Variants in STK32B observed in about 807,000 individuals in gnomAD.
STK32B encodes the protein serine/threonine-protein kinase 32B.
In STK32B, 43 loss-of-function variants were observed where a neutral mutation model predicts 52.6. The ratio of observed to expected loss-of-function variants is 0.82; its 90% CI spans 0.64 to 1.05. The LOEUF (loss-of-function observed/expected upper bound fraction) is 1.05, where lower values mean the gene tolerates loss of function less well. Ranked by LOEUF, STK32B falls within the 50% of genes least tolerant of loss-of-function variation. The pLI is 0.00. For synonymous variants in STK32B, 238 were observed against 204.3 expected, an observed-to-expected ratio of 1.17 and a Z score of -1.41; for missense variants, 621 against 534.6, an observed-to-expected ratio of 1.16 and a Z score of -1.59.
chr4:5,182,480 G>A (rs1217958699), intron 3 of STK32B, among the ~76,000 whole-genome samples: 1 of 147,198 alleles, frequency 6.8e-6, no homozygotes, highest in East Asian at 2.0e-4. Flanking sequence ...TTTGTTTTTT[G>A]AGACAGAGTC....
At chr4:5,128,256 G>A (rs1205719960) in intron 1 of STK32B, among the ~76,000 whole-genome samples, 1 of 152,196 alleles carries the variant, frequency 6.6e-6, no homozygotes, top group African/African-American at 2.4e-5. Flanking sequence ...TGTAATTGGT[G>A]GTAGCTTGTT....
intron 3 of STK32B, among the ~76,000 whole-genome samples, chr4:5,225,758 C>T (rs941105414): frequency 6.6e-6 from 1 of 152,178 alleles, no homozygotes; most frequent in East Asian, 1.9e-4. Context: ...AACAAGAGCA[C>T]CTCTAACCAA....
chr4:5,104,248 G>T (rs1041343368), intron 1 of STK32B, among the ~76,000 whole-genome samples: 1 of 152,074 alleles, frequency 6.6e-6, no homozygotes, highest in Non-Finnish European at 1.5e-5. Flanking sequence ...AGATCTGATG[G>T]TTTTATGAAG....
At position 5,380,058 on chromosome 4, in the gene STK32B, A is replaced by T. The variant is rs1180560767; in HGVS notation, c.435-18149A>T. ...CCTGAGGAAAACCACTGCCTCGATC[A>T]CGGGGCTATGCTCACTGTGCAGAGC... On this transcript the variant is annotated intron_variant, in intron 4 of 11. Transcript: ENST00000282908. This position sits in a 1 kb window ranked among gnomAD's most constrained non-coding sequence, Gnocchi z 4.3. Among the ~76,000 whole-genome samples the T allele has an allele frequency of 6.6e-6, 1 of 152,142 alleles. No homozygotes were observed. The highest frequency in any genetic ancestry group is 1.5e-5 in the Non-Finnish European group (1 of 68,022).
Position 5,395,057 on chromosome 4 carries a change from G to C in STK32B, c.435-3150G>C, listed in dbSNP as rs557988023. 6.6e-6 allele frequency among the ~76,000 whole-genome samples: 1 copy of C among 152,226 alleles called. No homozygotes were observed. The highest frequency in any genetic ancestry group is 2.4e-5 in the African/African-American group (1 of 41,544). ...CTCTTGTGGTTGTTGGCAGATTTCA[G>C]CTCTTATGGCTGCAGGACTGGGGTC... On this transcript the variant is annotated intron_variant, in intron 4 of 11. Transcript: ENST00000282908. The surrounding 1 kb of genome is among the most constrained non-coding windows in gnomAD (Gnocchi z 4.4).
At chr4:5,053,798 A>G (rs1031455573) in intron 1 of STK32B, among the ~76,000 whole-genome samples, 10 of 144,548 alleles carry the variant, frequency 6.9e-5, no homozygotes, top group Admixed American at 3.5e-4. Context: ...GGCCAACATG[A>G]TGAAACCCCG....
At chr4:5,173,888 A>G (rs541957327) in intron 3 of STK32B, among the ~76,000 whole-genome samples, 61 of 152,218 alleles carry the variant, frequency 4.0e-4, no homozygotes, top group Non-Finnish European at 7.5e-4. Flanking sequence ...TGATCTGTCT[A>G]ATGTTGACAG....
intron 11 of STK32B, among the ~76,000 whole-genome samples, chr4:5,491,131 T>C (rs1719696112): frequency 1.3e-5 from 2 of 152,210 alleles, no homozygotes; most frequent in African/African-American, 4.8e-5. Context: ...CAGTTCTAGA[T>C]TGCTGAAGAA....
intron 1 of STK32B, among the ~76,000 whole-genome samples, chr4:5,130,345 G>A (rs550398034): frequency 1.3e-5 from 2 of 152,034 alleles, no homozygotes; most frequent in East Asian, 3.9e-4. Context: ...GGAGAGTGAC[G>A]GTGGGGAGGT....
Position 5,480,956 on chromosome 4 carries a change from C to A in STK32B, c.1106+12886C>A, listed in dbSNP as rs575060855. ...CATAGTATTCTATGGTGTATATGTGCCACATTCCTTTAATCCAGTCTATCA... is the reference window on the plus strand; with the variant it reads ...CATAGTATTCTATGGTGTATATGTGACACATTCCTTTAATCCAGTCTATCA... On this transcript the variant is annotated intron_variant, in intron 11 of 11. Coordinates refer to ENST00000282908, the MANE Select transcript of STK32B (RefSeq NM_018401.3). 7.2e-5 allele frequency among the ~76,000 whole-genome samples: 11 copies of A among 152,256 alleles called. No homozygotes were observed. The South Asian group carries it at 2.1e-3, about 29-fold the overall frequency.
chr4:5,104,405 G>A (rs373417631), intron 1 of STK32B, among the ~76,000 whole-genome samples: 1 of 152,130 alleles, frequency 6.6e-6, no homozygotes, highest in African/African-American at 2.4e-5. Context: ...AAATTACCCG[G>A]TCTCAGGTGT....
At chr4:5,156,103 A>G (rs1717811406) in intron 2 of STK32B, among the ~76,000 whole-genome samples, 2 of 151,842 alleles carry the variant, frequency 1.3e-5, no homozygotes, top group African/African-American at 2.4e-5. Context: ...ATATACATAT[A>G]TACACTCAAT....
chr4:5,195,632 G>A (rs1721584521), intron 3 of STK32B, among the ~76,000 whole-genome samples: 1 of 152,194 alleles, frequency 6.6e-6, no homozygotes, highest in African/African-American at 2.4e-5. Flanking sequence ...GACGGAGGTT[G>A]CAGTGAGCCG....
chr4:5,499,650 C>CCTTCCTT lies in STK32B; in HGVS notation c.*569_*570insTCCTTCT, dbSNP rs61562504. The CCTTCCTT allele has an allele frequency of 6.6e-6, 1 of 152,114 alleles. No homozygotes were observed. Among genetic ancestry groups the CCTTCCTT allele is most frequent in the Non-Finnish European group, 1.5e-5 (1 of 68,056 alleles). 9.4% of individuals were successfully genotyped at this position (152,114 alleles called of 1,614,324 possible). On this transcript the variant is annotated 3_prime_UTR_variant, in exon 12 of 12. Coordinates refer to ENST00000282908, the MANE Select transcript of STK32B (RefSeq NM_018401.3). The stretch of plus-strand genomic sequence containing the variant: ...TGTGCATTCTCTGGCAGGCCACAGT[C>CCTTCCTT]CTGAGCTTGTAAGATGGTGCAGCAT...
At chr4:5,155,556 C>T (rs942689290) in intron 2 of STK32B, among the ~76,000 whole-genome samples, 1 of 152,046 alleles carries the variant, frequency 6.6e-6, no homozygotes, top group African/African-American at 2.4e-5. Context: ...GCTCTGTGTC[C>T]CCACCCAAAT....
chr4:5,262,287 A>T (rs56837281), intron 3 of STK32B, among the ~76,000 whole-genome samples: 2 of 152,062 alleles, frequency 1.3e-5, no homozygotes. Flanking sequence ...AAAATAACTA[A>T]GCTTATAAAA....
intron 1 of STK32B, among the ~76,000 whole-genome samples, chr4:5,081,239 A>G (rs1712406539): frequency 6.6e-6 from 1 of 152,192 alleles, no homozygotes; most frequent in Non-Finnish European, 1.5e-5. Context: ...ACAGACACAT[A>G]AGTTGGAGTT....
At chr4:5,075,664 A>C (rs377387133) in intron 1 of STK32B, among the ~76,000 whole-genome samples, 27 of 152,290 alleles carry the variant, frequency 1.8e-4, no homozygotes, top group East Asian at 1.5e-3. Flanking sequence ...TATTATAAAA[A>C]AATTGAAAAA....
chr4:5,240,382 G>A (rs1179427154), intron 3 of STK32B, among the ~76,000 whole-genome samples: 3 of 152,070 alleles, frequency 2.0e-5, no homozygotes, highest in African/African-American at 7.2e-5. Context: ...TTGCAAATAT[G>A]TTCTTCAAGT....
Sources: allele counts gnomAD v4.1 joint callset (sites outside exome capture counted in the v4.1 genomes callset), GRCh38; gene constraint gnomAD v4.1.1; non-coding constraint Gnocchi (gnomAD v3.1); transcripts MANE v1.5; gene names NCBI Gene and HGNC (gene_info 2026-07-23, HGNC 2026-07-21).